The following TBC1D10A variants were observed in gnomAD, a reference collection of about 807,000 sequenced individuals.
The protein encoded by TBC1D10A is EBP50-PDX interactor of 64 kDa.
Under a neutral mutation model 52.9 loss-of-function variants are expected in TBC1D10A, and 24 were observed. That is an observed-to-expected ratio of 0.45 (90% CI 0.33 to 0.64). The LOEUF (loss-of-function observed/expected upper bound fraction) is 0.64, where lower values mean the gene tolerates loss of function less well. TBC1D10A is among the 30% of genes least tolerant of loss of function. The pLI, the probability that TBC1D10A is intolerant of heterozygous loss-of-function variation, is 0.02. For synonymous variants in TBC1D10A, 278 were observed against 282.9 expected, an observed-to-expected ratio of 0.98 and a Z score of 0.17; for missense variants, 602 against 687.9, an observed-to-expected ratio of 0.88 and a Z score of 1.40.
At chr22:30,305,807 C>T (rs1171025124) in intron 1 of TBC1D10A, among the ~76,000 whole-genome samples, 1 of 152,166 alleles carries the variant, frequency 6.6e-6, no homozygotes, top group African/African-American at 2.4e-5. Flanking sequence ...GGGGAAGTGC[C>T]CAGGCCTGAG....
Position 30,292,416 on chromosome 22 carries a change from C to T in TBC1D10A, c.1486G>A (p.Glu496Lys), listed in dbSNP as rs747525334. Residue 496 changes from glutamate (E) to lysine (K), a missense_variant, in exon 9 of 9, where the codon GAG (glutamate) becomes AAG (lysine). This residue lies in a region of TBC1D10A where 265 missense variants were observed against 275.1 expected (regional missense o/e 0.96). Coordinates refer to ENST00000215790, the MANE Select transcript of TBC1D10A (RefSeq NM_031937.3). ...TCACTCTCTTGGGACGTCAAGCTCTCCTGGGAGCGGTGGTGGGCTGAGACC... is the reference window on the plus strand; with the variant it reads ...TCACTCTCTTGGGACGTCAAGCTCTTCTGGGAGCGGTGGTGGGCTGAGACC... ...PQVSAHHRSQ[E>K]SLTSQESEDT... The T allele has an allele frequency of 3.8e-6, 6 of 1,588,460 alleles. No homozygotes were observed. The South Asian group carries it at 6.9e-5, about 18-fold the overall frequency.
chr22:30,312,292 G>A (rs1930441879), intron 1 of TBC1D10A, among the ~76,000 whole-genome samples: 1 of 152,168 alleles, frequency 6.6e-6, no homozygotes, highest in Admixed American at 6.5e-5. Flanking sequence ...TTGACTCACT[G>A]TTTATATAAG....
chr22:30,299,384 C>G (rs1930152166), intron 3 of TBC1D10A, 60 bp downstream of exon 3: 1 of 1,542,830 alleles, frequency 6.5e-7, no homozygotes. Flanking sequence ...AGGATTGCCG[C>G]CATGGGGAGG....
chr22:30,296,185 T>A (rs1290320486), intron 3 of TBC1D10A: 3 of 238,790 alleles, frequency 1.3e-5, no homozygotes, highest in Non-Finnish European at 2.5e-5. Flanking sequence ...GACAGAAGGC[T>A]GCTTCTCTGA....
rs1930037567 is a variant in TBC1D10A, at chr22:30,294,815, C to A, written c.686G>T (p.Gly229Val). ...ACTCACCAGTTTCTCGCTGTAGTAGCCGGGCAGGTACTTCTCACAGATCTG... is the reference window on the plus strand; with the variant it reads ...ACTCACCAGTTTCTCGCTGTAGTAGACGGGCAGGTACTTCTCACAGATCTG... ...LVQICEKYLP[G>V]YYSEKLEAIQ... The change falls in exon 6 of 9, where the codon GGC (glycine) becomes GTC (valine). Residue 229 changes from glycine to valine, a missense_variant. By Grantham distance (109) the Gly-to-Val change is moderately radical. This residue lies in a region of TBC1D10A where 136 missense variants were observed against 208.4 expected (regional missense o/e 0.65). Coordinates refer to ENST00000215790, the MANE Select transcript of TBC1D10A (RefSeq NM_031937.3). The A allele has an allele frequency of 1.2e-6, 2 of 1,614,132 alleles. 1 individual carries two copies. The highest frequency in any genetic ancestry group is 4.5e-5 in the East Asian group (2 of 44,884).
chr22:30,301,193 C>G (rs527936655), intron 2 of TBC1D10A, among the ~76,000 whole-genome samples: 4 of 152,228 alleles, frequency 2.6e-5, no homozygotes, highest in African/African-American at 9.6e-5. Flanking sequence ...GGCTTGGGAC[C>G]AGAATGAGGC....
At chr22:30,314,741 T>C (rs2058585239) in intron 1 of TBC1D10A, among the ~76,000 whole-genome samples, 1 of 149,594 alleles carries the variant, frequency 6.7e-6, no homozygotes, top group Non-Finnish European at 1.5e-5. Context: ...AGCCCAGGAG[T>C]TCAAGGCTGC....
chr22:30,318,083 G>A lies in TBC1D10A; in HGVS notation c.209+8590C>T, dbSNP rs184273623. Among the ~76,000 whole-genome samples the A allele has an allele frequency of 8.7e-4, 132 of 152,174 alleles. 1 individual carries two copies. Among genetic ancestry groups the A allele is most frequent in the Admixed American group, 2.0e-3 (31 of 15,284 alleles). On this transcript the variant is annotated intron_variant, in intron 1 of 8. Coordinates refer to ENST00000215790, the MANE Select transcript of TBC1D10A (RefSeq NM_031937.3). ...TTTCCAGCCAGAATCTCTCATCTCC[G>A]GATGCCACTGGTGGTGCCCCTTGTA...
At chr22:30,308,284 A>ATGCCTGCCTGCCTGAATGCCTGCC (rs1555973979) in intron 1 of TBC1D10A, among the ~76,000 whole-genome samples, 2 of 119,664 alleles carry the variant, frequency 1.7e-5, no homozygotes, top group Non-Finnish European at 3.6e-5. Context: ...CACAGCCTGC[A>ATGCCTGCCTGCCTGAATGCCTGCC]TGCCTGCATG....
chr22:30,292,032 T>C lies in TBC1D10A; in HGVS notation c.*343A>G. 1 of 258,552 alleles carries C rather than the reference T, an allele frequency of 3.9e-6. No homozygotes were observed. The highest frequency in any genetic ancestry group is 5.1e-5 in the Admixed American group (1 of 19,598). 16.0% of individuals were successfully genotyped at this position (258,552 alleles called of 1,614,324 possible). On this transcript the variant is annotated 3_prime_UTR_variant, in exon 9 of 9. Coordinates refer to ENST00000215790, the MANE Select transcript of TBC1D10A (RefSeq NM_031937.3). ...TTATTTCTGTACAAAACCATGTTTC[T>C]ATTTTACACAAAGAACACCCCACCC...
chr22:30,321,860 A>G (rs1027138015), intron 1 of TBC1D10A, among the ~76,000 whole-genome samples: 4 of 152,000 alleles, frequency 2.6e-5, no homozygotes, highest in African/African-American at 4.8e-5. Context: ...CACTTCCTCT[A>G]TGCTACAGAA....
At chr22:30,306,711 A>G (rs1328730564) in intron 1 of TBC1D10A, among the ~76,000 whole-genome samples, 3 of 152,220 alleles carry the variant, frequency 2.0e-5, no homozygotes, top group Admixed American at 6.5e-5. Flanking sequence ...TTTTAAGGCA[A>G]TATGGCCATC....
At chr22:30,293,498 G>A in intron 8 of TBC1D10A, 153 bp downstream of exon 8, 3 of 1,152,140 alleles carry the variant, frequency 2.6e-6, no homozygotes, top group Non-Finnish European at 3.7e-6. Context: ...TCACCAGACA[G>A]AAGGATGAGG....
intron 2 of TBC1D10A, among the ~76,000 whole-genome samples, chr22:30,302,031 C>A (rs1244293602): frequency 2.0e-5 from 3 of 152,240 alleles, no homozygotes; most frequent in African/African-American, 4.8e-5. Flanking sequence ...GGCAGCCCCA[C>A]ATCATCACAG....
intron 1 of TBC1D10A, among the ~76,000 whole-genome samples, 156 bp downstream of exon 1, chr22:30,326,517 A>C (rs1930777746): frequency 4.2e-5 from 1 of 23,900 alleles, no homozygotes; most frequent in African/African-American, 1.6e-4. Context: ...GGGTCTAGGA[A>C]GGCAGGGGTG....
At chr22:30,302,773 T>A (rs1930228046) in intron 2 of TBC1D10A, among the ~76,000 whole-genome samples, 1 of 152,206 alleles carries the variant, frequency 6.6e-6, no homozygotes, top group South Asian at 2.1e-4. Context: ...AAGTGTCAGC[T>A]GCTACTCTGC....
chr22:30,314,640 T>C (rs1425775533), intron 1 of TBC1D10A, among the ~76,000 whole-genome samples: 1 of 151,900 alleles, frequency 6.6e-6, no homozygotes, highest in Non-Finnish European at 1.5e-5. Flanking sequence ...TGAGACCCTG[T>C]CTCTACAAAA....
chr22:30,293,466 G>T, intron 8 of TBC1D10A, 185 bp downstream of exon 8: 1 of 931,728 alleles, frequency 1.1e-6, no homozygotes, highest in Non-Finnish European at 1.7e-6. Context: ...GCAGAGCCAA[G>T]CCTCTCTGTG....
At position 30,293,660 on chromosome 22, in the gene TBC1D10A, C is replaced by T. The variant is rs898316301; in HGVS notation, c.1041G>A (p.Leu347=). The T allele has an allele frequency of 6.2e-6, 10 of 1,608,382 alleles. No homozygotes were observed. Among genetic ancestry groups the T allele is most frequent in the Non-Finnish European group, 6.8e-6 (8 of 1,175,870 alleles). Residue 347 remains leucine, a synonymous_variant, in exon 8 of 9, where the codon CTG becomes CTA. Transcript: ENST00000215790. ...CAGGCATGGGCTGTACCTCCTGGAC[C>T]AGAAAGGCCTCCTGCATGATCTTGG... The part of the protein sequence containing the change: ...LSPKIMQEAF[L]VQEVVELPVT...
Sources: allele counts gnomAD v4.1 joint callset (sites outside exome capture counted in the v4.1 genomes callset), GRCh38; gene constraint gnomAD v4.1.1; regional missense constraint gnomAD v4.1.1; transcripts MANE v1.5; gene names NCBI Gene and HGNC (gene_info 2026-07-23, HGNC 2026-07-21).